REDIC1: variants seen among roughly 807,000 people sequenced by gnomAD.
REDIC1 encodes the protein regulator of DNA class I crossover intermediates 1, also known as HEI10 Interacting Protein 1.
chr12:39,633,491 T>C, the REDIC1 span, among the ~76,000 whole-genome samples: 1 of 152,172 alleles, frequency 6.6e-6, no homozygotes, highest in Admixed American at 6.5e-5. Flanking sequence ...TTTTTTTTAA[T>C]AAGCAGAAGG....
the REDIC1 span, among the ~76,000 whole-genome samples, chr12:39,870,983 A>G: frequency 6.6e-6 from 1 of 152,224 alleles, no homozygotes; most frequent in Non-Finnish European, 1.5e-5. Context: ...CCTGGAAACT[A>G]TCTTTTAATG....
chr12:39,830,758 T>C, the REDIC1 span, among the ~76,000 whole-genome samples: 170 of 152,310 alleles, frequency 1.1e-3, 3 homozygotes, highest in Middle Eastern at 6.8e-3. Context: ...AAAATACTAC[T>C]ACTCAAATAT....
the REDIC1 span, among the ~76,000 whole-genome samples, chr12:39,635,511 G>A: frequency 6.6e-6 from 1 of 152,042 alleles, no homozygotes; most frequent in East Asian, 1.9e-4. Context: ...GATGAAGCTG[G>A]AAACCATCAT....
the REDIC1 span, among the ~76,000 whole-genome samples, chr12:39,877,232 G>A: frequency 6.6e-6 from 1 of 152,168 alleles, no homozygotes; most frequent in African/African-American, 2.4e-5. Flanking sequence ...TGGACTCAGA[G>A]TTCCACATGG....
chr12:39,629,778 C>T, the REDIC1 span, among the ~76,000 whole-genome samples: 1 of 152,130 alleles, frequency 6.6e-6, no homozygotes, highest in Admixed American at 6.5e-5. Context: ...AATTAATTTA[C>T]ATGTATATGA....
the REDIC1 span, among the ~76,000 whole-genome samples, chr12:39,849,949 T>A: frequency 6.6e-6 from 1 of 152,202 alleles, no homozygotes; most frequent in Non-Finnish European, 1.5e-5. Context: ...TTAGTGTATA[T>A]AATTTTACTT....
At chr12:39,814,628 G>A in the REDIC1 span, among the ~76,000 whole-genome samples, 101,814 of 152,048 alleles carry the variant, frequency 0.67, 34,435 homozygotes, top group East Asian at 0.77. Flanking sequence ...ACATTTTAAA[G>A]AGAGGAAAAA....
At chr12:39,656,579 GA>G in the REDIC1 span, among the ~76,000 whole-genome samples, 13 of 151,964 alleles carry the variant, frequency 8.6e-5, no homozygotes, top group African/African-American at 3.1e-4. Context: ...CTACTTATTA[GA>G]AAAAAAGTTA....
At chr12:39,653,899 A>T in the REDIC1 span, among the ~76,000 whole-genome samples, 4 of 151,436 alleles carry the variant, frequency 2.6e-5, no homozygotes, top group Non-Finnish European at 5.9e-5. Context: ...TGCTCCTTCC[A>T]TGTCTCTTGA....
the REDIC1 span, among the ~76,000 whole-genome samples, chr12:39,697,133 T>A: frequency 1.3e-5 from 2 of 152,022 alleles, no homozygotes; most frequent in Admixed American, 1.3e-4. Context: ...AAGAAACAAG[T>A]AACATACAAT....
At chr12:39,712,142 A>G in the REDIC1 span, among the ~76,000 whole-genome samples, 1,734 of 143,164 alleles carry the variant, frequency 0.012, 60 homozygotes, top group African/African-American at 0.042. Context: ...GTACATATAC[A>G]TACATCTATA....
At chr12:39,672,733 G>A in the REDIC1 span, among the ~76,000 whole-genome samples, 1 of 152,090 alleles carries the variant, frequency 6.6e-6, no homozygotes, top group African/African-American at 2.4e-5. Flanking sequence ...TGATCCACAG[G>A]GTCCAACTGG....
At chr12:39,740,159 T>G in the REDIC1 span, among the ~76,000 whole-genome samples, 1 of 152,194 alleles carries the variant, frequency 6.6e-6, no homozygotes, top group Non-Finnish European at 1.5e-5. Context: ...TTGACTTACA[T>G]CCCTACATTT....
At chr12:39,839,235 G>A in the REDIC1 span, among the ~76,000 whole-genome samples, 3 of 151,866 alleles carry the variant, frequency 2.0e-5, no homozygotes, top group Non-Finnish European at 4.4e-5. Context: ...TTGGAGCCTC[G>A]TGAAGGACAG....
the REDIC1 span, among the ~76,000 whole-genome samples, chr12:39,705,466 G>T: frequency 6.6e-6 from 1 of 152,044 alleles, no homozygotes; most frequent in African/African-American, 2.4e-5. Context: ...ATTCTACAAG[G>T]CAATGTATTA....
the REDIC1 span, among the ~76,000 whole-genome samples, chr12:39,866,345 G>A: frequency 1.8e-4 from 28 of 152,148 alleles, no homozygotes; most frequent in African/African-American, 6.8e-4. Context: ...AGCTAGCTTT[G>A]CTGTTTCCTG....
At chr12:39,727,284 G>A in the REDIC1 span, among the ~76,000 whole-genome samples, 1 of 152,092 alleles carries the variant, frequency 6.6e-6, no homozygotes, top group Admixed American at 6.5e-5. Flanking sequence ...ATGGTTTTAA[G>A]TCTTATGTTT....
chr12:39,827,115 G>T, the REDIC1 span, among the ~76,000 whole-genome samples: 1 of 151,664 alleles, frequency 6.6e-6, no homozygotes, highest in Admixed American at 6.6e-5. Flanking sequence ...TGTACACTGG[G>T]TTCTGATAAT....
the REDIC1 span, among the ~76,000 whole-genome samples, chr12:39,724,196 C>A: frequency 6.6e-6 from 1 of 152,180 alleles, no homozygotes; most frequent in South Asian, 2.1e-4. Context: ...GCCTCTTGGG[C>A]GGGATAAGTC....
Sources: gnomAD v4.1 joint callset for allele counts (sites outside exome capture counted in the v4.1 genomes callset) on GRCh38, gnomAD v4.1.1 for gene constraint, MANE v1.5 for transcripts, NCBI Gene and HGNC (gene_info 2026-07-23, HGNC 2026-07-21) for gene names.